Variants in DSCAM observed in about 807,000 individuals in gnomAD.
DSCAM encodes cell adhesion molecule DSCAM.
A neutral mutation model predicts 217.7 loss-of-function variants in DSCAM; 47 were observed. That is an observed-to-expected ratio of 0.22 (90% CI 0.17 to 0.28). The LOEUF (loss-of-function observed/expected upper bound fraction) is 0.28. DSCAM is among the 10% of genes least tolerant of loss of function. DSCAM has a pLI of 1.00. For synonymous variants in DSCAM, 1,056 were observed against 1,015.3 expected (o/e 1.04, Z -0.76); for missense variants, 2,080 against 2,618.3 (o/e 0.79, Z 4.49).
chr21:40,328,383 T>C lies in DSCAM; in HGVS notation c.1783+9718A>G, dbSNP rs146438742. On this transcript the variant is annotated intron_variant, in intron 8 of 32. Coordinates refer to ENST00000400454, the MANE Select transcript of DSCAM (RefSeq NM_001389.5). The stretch of plus-strand genomic sequence containing the variant: ...AGAGCACACAATGGGGTCTTTTCAG[T>C]AAATGGTGTTGGGGAAACTAGATAC... Among the ~76,000 whole-genome samples, 536 of 152,104 alleles carry C rather than the reference T, an allele frequency of 3.5e-3. 3 individuals carry two copies. Among genetic ancestry groups the C allele is most frequent in the African/African-American group, 0.012 (513 of 41,538 alleles).
At chr21:40,306,177 C>T (rs796497290) in intron 9 of DSCAM, among the ~76,000 whole-genome samples, 1 of 149,972 alleles carries the variant, frequency 6.7e-6, no homozygotes, top group Non-Finnish European at 1.5e-5. Context: ...AAGTTGGATT[C>T]CTAGGTATTT....
At chr21:40,813,885 TCCA>T (rs1569049490) in intron 1 of DSCAM, among the ~76,000 whole-genome samples, 1 of 152,084 alleles carries the variant, frequency 6.6e-6, no homozygotes, top group Non-Finnish European at 1.5e-5. Context: ...GACCTAGTGA[TCCA>T]CCCACCTCGG....
chr21:40,093,919 G>A, intron 20 of DSCAM, 45 bp from the exon 21 acceptor site: 3 of 1,581,870 alleles, frequency 1.9e-6, no homozygotes, highest in South Asian at 1.1e-5. Context: ...AGAAGCATGT[G>A]GCAAAAATGG....
chr21:40,635,307 G>C (rs1436739228), intron 3 of DSCAM, among the ~76,000 whole-genome samples: 1 of 152,228 alleles, frequency 6.6e-6, no homozygotes, highest in Non-Finnish European at 1.5e-5. Flanking sequence ...CCAAATGCTG[G>C]TGTGCGGGCC....
intron 4 of DSCAM, among the ~76,000 whole-genome samples, chr21:40,355,607 T>G (rs564713341): frequency 2.6e-4 from 39 of 152,354 alleles, no homozygotes; most frequent in Admixed American, 2.5e-3. Flanking sequence ...TAATTCAACC[T>G]GTTTAGAACT....
chr21:40,411,801 C>A (rs1328471691), intron 3 of DSCAM, among the ~76,000 whole-genome samples: 1 of 152,146 alleles, frequency 6.6e-6, no homozygotes, highest in Admixed American at 6.5e-5. Flanking sequence ...CAATTCTACA[C>A]ATACAAATTA....
chr21:40,312,331 A>G lies in DSCAM; in HGVS notation c.1812T>C (p.Phe604=), dbSNP rs1171382183. 1 of 1,613,964 alleles carries G rather than the reference A, an allele frequency of 6.2e-7. No homozygotes were observed. The highest frequency in any genetic ancestry group is 8.5e-7 in the Non-Finnish European group (1 of 1,180,012). ...CCCGCTGCCCAATGGAGAATCTTGG[A>G]AACTCAAAGGGTTGTATGAAAGGCG... The part of the protein sequence containing the change: ...KVPPFIQPFE[F]PRFSIGQRVF... Residue 604 remains phenylalanine (F), a synonymous_variant, in exon 9 of 33, where the codon TTT becomes TTC. Coordinates refer to ENST00000400454, the MANE Select transcript of DSCAM (RefSeq NM_001389.5).
intron 3 of DSCAM, among the ~76,000 whole-genome samples, chr21:40,569,437 C>G (rs139683090): frequency 3.3e-5 from 5 of 152,044 alleles, no homozygotes; most frequent in African/African-American, 2.4e-5. Flanking sequence ...TTCAATCAGT[C>G]GAAAAGATTT....
At chr21:40,146,695 G>A (rs911934578) in intron 16 of DSCAM, among the ~76,000 whole-genome samples, 7 of 152,104 alleles carry the variant, frequency 4.6e-5, no homozygotes, top group Non-Finnish European at 8.8e-5. Context: ...TGAAACAGTC[G>A]CGTAAACCAT....
chr21:40,616,044 T>A (rs1245170993), intron 3 of DSCAM, among the ~76,000 whole-genome samples: 1 of 151,142 alleles, frequency 6.6e-6, no homozygotes, highest in Non-Finnish European at 1.5e-5. Context: ...ACAAGAGGCC[T>A]CGGTTATTAT....
intron 10 of DSCAM, among the ~76,000 whole-genome samples, chr21:40,291,438 C>CT (rs1272431210): frequency 6.6e-6 from 1 of 152,226 alleles, no homozygotes; most frequent in Non-Finnish European, 1.5e-5. Flanking sequence ...ACCATACCCA[C>CT]TCCCCACTTG....
In DSCAM at chr21:40,353,734, T is replaced by C. The variant is rs2074660515; in HGVS notation, c.665A>G (p.Asn222Ser). Residue 222 changes from asparagine (N) to serine (S), a missense_variant, in exon 5 of 33, where the codon AAC (asparagine) becomes AGC (serine). Coordinates refer to ENST00000400454, the MANE Select transcript of DSCAM (RefSeq NM_001389.5). ...CCCATCCAGTATGGATGGGGCTGAG[T>C]TCGCTGGGTCTGTAGAAGAAATAAA... is the stretch of plus-strand genomic sequence containing the variant. Reference protein sequence around the residue: ...SARLFVSDPANSAPSILDGFD... With the variant: ...SARLFVSDPASSAPSILDGFD... The C allele has an allele frequency of 6.5e-7, 1 of 1,546,260 alleles. No individual in the cohort carries two copies. Among genetic ancestry groups the C allele is most frequent in the Non-Finnish European group, 8.7e-7 (1 of 1,153,286 alleles).
intron 3 of DSCAM, among the ~76,000 whole-genome samples, chr21:40,686,336 C>T (rs1050594375): frequency 6.6e-6 from 1 of 150,902 alleles, no homozygotes; most frequent in African/African-American, 2.4e-5. Flanking sequence ...ACACAGAGTA[C>T]ACACCCCACA....
At chr21:40,171,163 T>C in intron 15 of DSCAM, among the ~76,000 whole-genome samples, 1 of 152,168 alleles carries the variant, frequency 6.6e-6, no homozygotes, top group Non-Finnish European at 1.5e-5. Context: ...CTGCAACCTC[T>C]ACCGCCCAGG....
intron 3 of DSCAM, among the ~76,000 whole-genome samples, chr21:40,546,243 G>A (rs1164980101): frequency 6.6e-6 from 1 of 152,228 alleles, no homozygotes; most frequent in African/African-American, 2.4e-5. Context: ...AGCTGTGCAG[G>A]AGAGCTGGGG....
chr21:40,545,351 C>T (rs2076573501), intron 3 of DSCAM, among the ~76,000 whole-genome samples: 1 of 152,168 alleles, frequency 6.6e-6, no homozygotes. Context: ...TATTAATCTT[C>T]ACAAATCAGG....
At chr21:40,176,579 T>G (rs908217657) in intron 15 of DSCAM, among the ~76,000 whole-genome samples, 6 of 152,156 alleles carry the variant, frequency 3.9e-5, no homozygotes, top group African/African-American at 1.4e-4. Context: ...AAGTCACACA[T>G]GGGAAATTGA....
rs142422169 is a variant in DSCAM at position 40,093,092 on chromosome 21, A to G, written c.3850+629T>C. On this transcript the variant is annotated intron_variant, in intron 21 of 32. Coordinates refer to ENST00000400454, the MANE Select transcript of DSCAM (RefSeq NM_001389.5). The stretch of plus-strand genomic sequence containing the variant: ...AATTGTGTCGTAAGGAAATTGACTT[A>G]TTATGAATGCTAATTTAGGGGGTTC... Among the ~76,000 whole-genome samples the G allele has an allele frequency of 2.0e-5, 3 of 152,306 alleles. No homozygotes were observed. The East Asian group carries it at 5.8e-4, about 29-fold the overall frequency.
chr21:40,545,612 T>G (rs1242491025), intron 3 of DSCAM, among the ~76,000 whole-genome samples: 3 of 152,032 alleles, frequency 2.0e-5, no homozygotes, highest in Admixed American at 2.0e-4. Context: ...CTCAGTTTCC[T>G]CATCTCTAAA....
Sources: allele counts gnomAD v4.1 joint callset (sites outside exome capture counted in the v4.1 genomes callset), GRCh38; gene constraint gnomAD v4.1.1; transcripts MANE v1.5; gene names NCBI Gene and HGNC (gene_info 2026-07-23, HGNC 2026-07-21).